The following CASP9 variants were observed in gnomAD, a reference collection of about 807,000 sequenced individuals.
CASP9 encodes caspase 9.
A neutral mutation model predicts 43.5 loss-of-function variants in CASP9; 29 were observed. That is an observed-to-expected ratio of 0.67 (90% confidence interval 0.50 to 0.91). CASP9 has a LOEUF of 0.91. Ranked by LOEUF, CASP9 falls within the 40% of genes least tolerant of loss-of-function variation. CASP9 has a pLI of 0.00. For missense variants in CASP9, 575 were observed against 537.4 expected (o/e 1.07, Z -0.69); for synonymous variants, 206 against 211.9 (o/e 0.97, Z 0.24).
chr1:15,513,281 G>C (rs1709833836), intron 2 of CASP9, among the ~76,000 whole-genome samples: 1 of 151,974 alleles, frequency 6.6e-6, no homozygotes, highest in African/African-American at 2.4e-5. Context: ...TGGGGATGCA[G>C]CATTGAACAA....
At chr1:15,494,718 C>G (rs1709034521) in intron 7 of CASP9, among the ~76,000 whole-genome samples, 1 of 151,772 alleles carries the variant, frequency 6.6e-6, no homozygotes, top group Non-Finnish European at 1.5e-5. Context: ...AAAAAATTAG[C>G]CAGGCGTGGT....
At chr1:15,501,034 A>T (rs1295507916) in intron 6 of CASP9, among the ~76,000 whole-genome samples, 3 of 152,212 alleles carry the variant, frequency 2.0e-5, no homozygotes, top group African/African-American at 7.2e-5. Flanking sequence ...CTCGGTTCTT[A>T]GAGAGCCTCA....
chr1:15,498,621 G>A (rs938368058), intron 6 of CASP9, among the ~76,000 whole-genome samples: 2 of 151,996 alleles, frequency 1.3e-5, no homozygotes, highest in African/African-American at 4.8e-5. Context: ...CAAGATCACA[G>A]TGTCCCCTTT....
Position 15,491,622 on chromosome 1 carries a change from G to T in CASP9, c.*1321C>A, listed in dbSNP as rs1708897198. ...AAAATACAAAAATTAACTGGGAGAG[G>T]TGGTGCACACCTGTAGTCCAAGCTA... is the stretch of plus-strand genomic sequence containing the variant. On this transcript the variant is annotated 3_prime_UTR_variant, in exon 9 of 9. Coordinates refer to ENST00000333868, the MANE Select transcript of CASP9 (RefSeq NM_001229.5). 3.0e-6 allele frequency: 1 copy of T among 329,554 alleles called. No homozygotes were observed. Among genetic ancestry groups the T allele is most frequent in the East Asian group, 6.5e-5 (1 of 15,294 alleles). 20.4% of individuals were successfully genotyped at this position (329,554 alleles called of 1,614,324 possible).
intron 1 of CASP9, chr1:15,519,900 G>A (rs1710111982): frequency 6.6e-6 from 1 of 152,602 alleles, no homozygotes; most frequent in African/African-American, 2.4e-5. Flanking sequence ...CAGCTACTCA[G>A]GAGGCTGAGG....
chr1:15,519,857 A>T (rs1180939340), intron 1 of CASP9: 2 of 152,584 alleles, frequency 1.3e-5, no homozygotes, highest in East Asian at 3.9e-4. Flanking sequence ...TAACAAAAAA[A>T]AAGCCAGGTA....
At chr1:15,522,579 G>C (rs1710247532) in intron 1 of CASP9, among the ~76,000 whole-genome samples, 1 of 152,144 alleles carries the variant, frequency 6.6e-6, no homozygotes, top group Non-Finnish European at 1.5e-5. Flanking sequence ...GCCAGGCATG[G>C]TGGCATGTGC....
At chr1:15,521,018 G>A (rs1253197067) in intron 1 of CASP9, among the ~76,000 whole-genome samples, 5 of 152,052 alleles carry the variant, frequency 3.3e-5, no homozygotes, top group Admixed American at 6.5e-5. Context: ...TTAGCCGGGC[G>A]TGGTGGCGGG....
intron 1 of CASP9, among the ~76,000 whole-genome samples, chr1:15,519,437 C>T (rs962961264): frequency 6.6e-6 from 1 of 152,268 alleles, no homozygotes; most frequent in Non-Finnish European, 1.5e-5. Flanking sequence ...CAACCTCAGC[C>T]TCTCAAAGTG....
Position 15,494,513 on chromosome 1 carries a change from T to C in CASP9, c.1049-512A>G, listed in dbSNP as rs1194832148. On this transcript the variant is annotated intron_variant, in intron 7 of 8. Transcript: ENST00000333868. Reference sequence around the variant, plus strand: ...CCGGGAGGTGGAGGTTGCAGTGAGCTGAGATCATGCTACTGAACTCCAGCC... The same window carrying C: ...CCGGGAGGTGGAGGTTGCAGTGAGCCGAGATCATGCTACTGAACTCCAGCC... Among the ~76,000 whole-genome samples, 6 of 145,684 alleles carry C rather than the reference T, an allele frequency of 4.1e-5. No individual in the cohort carries two copies. In the East Asian group the frequency reaches 1.2e-3, roughly 29 times the overall value.
At chr1:15,517,776 C>T (rs1710008970) in intron 2 of CASP9, among the ~76,000 whole-genome samples, 2 of 151,910 alleles carry the variant, frequency 1.3e-5, no homozygotes, top group Admixed American at 6.6e-5. Flanking sequence ...GTCCAGGCTA[C>T]CCACCCAGAC....
At chr1:15,507,168 T>C (rs1709559883) in intron 3 of CASP9, 93 bp from the exon 4 acceptor site, 1 of 1,476,272 alleles carries the variant, frequency 6.8e-7, no homozygotes, top group African/African-American at 1.4e-5. Flanking sequence ...GTCTGCCCTC[T>C]CGCACAAGGA....
At chr1:15,510,595 C>G (rs1045323670) in intron 2 of CASP9, among the ~76,000 whole-genome samples, 2 of 151,974 alleles carry the variant, frequency 1.3e-5, no homozygotes, top group Admixed American at 6.6e-5. Flanking sequence ...CTCAAGAGGC[C>G]AAGGGCTACA....
At position 15,518,221 on chromosome 1, in the gene CASP9, G is replaced by A; in HGVS notation, c.307C>T (p.Leu103=). The A allele has an allele frequency of 6.2e-7, 1 of 1,614,186 alleles. No individual in the cohort carries two copies. The highest frequency in any genetic ancestry group is 8.5e-7 in the Non-Finnish European group (1 of 1,180,032). The change falls in exon 2 of 9, where the codon CTA becomes TTA. Residue 103 remains leucine (L), a synonymous_variant. Transcript: ENST00000333868. ...RQAAKLSKPT[L]ENLTPVVLRP... is the part of the protein sequence containing the mutation. ...AGCACCACTGGGGTAAGGTTTTCTA[G>A]GGTTGGCTTCGACAACTTTGCTGCT...
Position 15,518,231 on chromosome 1 carries a change from C to T in CASP9, c.297G>A (p.Ser99=), listed in dbSNP as rs372801909. ...LRTNRQAAKL[S]KPTLENLTPV... is the part of the protein sequence containing the mutation. ...GGGTAAGGTTTTCTAGGGTTGGCTTCGACAACTTTGCTGCTTGCCTGTTAG... is the reference window on the plus strand; with the variant it reads ...GGGTAAGGTTTTCTAGGGTTGGCTTTGACAACTTTGCTGCTTGCCTGTTAG... Residue 99 remains serine (S), a synonymous_variant, in exon 2 of 9, where the codon TCG becomes TCA. Transcript: ENST00000333868. The T allele has an allele frequency of 8.1e-6, 13 of 1,614,068 alleles. No homozygotes were observed. Among genetic ancestry groups the T allele is most frequent in the Admixed American group, 1.7e-5 (1 of 60,004 alleles).
intron 2 of CASP9, among the ~76,000 whole-genome samples, chr1:15,516,481 TAAAAA>T (rs61079693): frequency 2.0e-5 from 3 of 148,360 alleles, no homozygotes; most frequent in Non-Finnish European, 1.5e-5. Context: ...TTGCCTCAAT[TAAAAA>T]AAAAAAAAAG....
Position 15,518,305 on chromosome 1 carries a change from A to G in CASP9, c.223T>C (p.Ser75Pro). 6.2e-7 allele frequency: 1 copy of G among 1,614,238 alleles called. No individual in the cohort carries two copies. Among genetic ancestry groups the G allele is most frequent in the Non-Finnish European group, 8.5e-7 (1 of 1,180,052 alleles). ...RGSQALPLFI[S>P]CLEDTGQDML... ...TCCTGGCCTGTGTCCTCTAAGCAGG[A>G]GATGAACAAAGGAAGAGCCTGACTC... Residue 75 changes from serine (S) to proline (P), a missense_variant, in exon 2 of 9, where the codon TCC becomes CCC. Ser to Pro is a moderately conservative substitution (Grantham distance 74, BLOSUM62 -1). Transcript: ENST00000333868.
At chr1:15,493,831 A>C in intron 8 of CASP9, 61 bp downstream of exon 8, 1 of 1,548,238 alleles carries the variant, frequency 6.5e-7, no homozygotes, top group Non-Finnish European at 8.7e-7. Context: ...CCCCAGCCCC[A>C]GGAGGACACG....
chr1:15,518,868 G>GT (rs1557553938), intron 1 of CASP9, among the ~76,000 whole-genome samples: 2 of 96,258 alleles, frequency 2.1e-5, no homozygotes, highest in South Asian at 5.4e-4. Context: ...TTTTGGTTTT[G>GT]TTTTTGTTTT....
Sources: allele counts gnomAD v4.1 joint callset (sites outside exome capture counted in the v4.1 genomes callset), GRCh38; gene constraint gnomAD v4.1.1; transcripts MANE v1.5; gene names NCBI Gene and HGNC (gene_info 2026-07-23, HGNC 2026-07-21).